The following BAIAP2L2 variants were observed in gnomAD, a reference collection of about 807,000 sequenced individuals.
The protein encoded by BAIAP2L2 is BAR/IMD domain containing adaptor protein 2 like 2.
In BAIAP2L2, 65 loss-of-function variants were observed where a neutral mutation model predicts 60.4. That is an observed-to-expected ratio of 1.08 (90% CI 0.88 to 1.32). The LOEUF is 1.32. Ranked by LOEUF, BAIAP2L2 falls within the 40% of genes most tolerant of loss-of-function variation. BAIAP2L2 has a pLI of 0.00. For missense variants in BAIAP2L2, 836 were observed against 741.2 expected (o/e 1.13, Z -1.48); for synonymous variants, 344 against 301.7 (o/e 1.14, Z -1.45).
chr22:38,090,623 T>G (rs1602001709), intron 7 of BAIAP2L2: 1 of 152,218 alleles, frequency 6.6e-6, no homozygotes, highest in Non-Finnish European at 1.5e-5. Context: ...CTTTAAACGC[T>G]TTATCTGCAT....
At position 38,086,442 on chromosome 22, in the gene BAIAP2L2, G is replaced by GC; in HGVS notation, c.1266_1267insG (p.Pro423AlafsTer10). On this transcript the variant is annotated frameshift_variant, in exon 12 of 14. Coordinates refer to ENST00000381669, the MANE Select transcript of BAIAP2L2 (RefSeq NM_025045.6). LOFTEE classifies it high-confidence loss of function. ...TCGAGGCTGTGGCTGCCCCGGAGTGGGTAGGACCTAAGTCCAGAGAAAGGA... is the reference window on the plus strand; with the variant it reads ...TCGAGGCTGTGGCTGCCCCGGAGTGGCGTAGGACCTAAGTCCAGAGAAAGGA... 6.7e-7 allele frequency: 1 copy of GC among 1,503,456 alleles called. No homozygotes were observed. The highest frequency in any genetic ancestry group is 1.4e-5 in the African/African-American group (1 of 72,072). 93.1% of individuals were successfully genotyped at this position (1,503,456 alleles called of 1,614,324 possible). A position where few individuals can be genotyped will look rare whatever the true frequency, so the allele number is the denominator to read the frequency against.
At chr22:38,093,976 C>T (rs1338229175) in intron 7 of BAIAP2L2, 5 of 456,318 alleles carry the variant, frequency 1.1e-5, no homozygotes, top group Admixed American at 4.7e-5. Context: ...GTAAATACAT[C>T]GAGTAAACGA....
intron 4 of BAIAP2L2, among the ~76,000 whole-genome samples, chr22:38,101,371 T>TAAACA (rs2086562965): frequency 1.2e-5 from 1 of 80,756 alleles, no homozygotes; most frequent in African/African-American, 5.6e-5. Flanking sequence ...TGTCTCTACA[T>TAAACA]AAAAAAAAAA....
chr22:38,089,221 G>A lies in BAIAP2L2; in HGVS notation c.776C>T (p.Pro259Leu), dbSNP rs1293448988. The A allele has an allele frequency of 7.7e-6, 9 of 1,172,584 alleles. No individual in the cohort carries two copies. In the African/African-American group the frequency reaches 1.4e-4, roughly 19 times the overall value. 72.6% of individuals were successfully genotyped at this position (1,172,584 alleles called of 1,614,324 possible). A position where few individuals can be genotyped will look rare whatever the true frequency, so the allele number is the denominator to read the frequency against. Residue 259 changes from proline to leucine, a missense_variant, in exon 9 of 14, where the codon CCC (proline) becomes CTC (leucine). Coordinates refer to ENST00000381669, the MANE Select transcript of BAIAP2L2 (RefSeq NM_025045.6). The stretch of plus-strand genomic sequence containing the variant: ...GCGGGGGGAGCTGAACTCTCCCAGG[G>A]GCCTCGGGGGCTGCGGGGGAGATGG... ...TPTCLDMPPR[P>L]LGEFSSPRSR...
chr22:38,085,598 C>G (rs992562335), intron 13 of BAIAP2L2, 88 bp downstream of exon 13: 4 of 1,472,348 alleles, frequency 2.7e-6, no homozygotes, highest in Non-Finnish European at 3.8e-6. Context: ...ATCCTCCTGC[C>G]CCAGTCTCCC....
At chr22:38,110,352 G>A (rs1468424665) in intron 1 of BAIAP2L2, 123 bp downstream of exon 1, 2 of 1,030,992 alleles carry the variant, frequency 1.9e-6, no homozygotes, top group African/African-American at 1.6e-5. Flanking sequence ...GCCCAGCCTG[G>A]CTCCAGGCTT....
intron 1 of BAIAP2L2, among the ~76,000 whole-genome samples, chr22:38,109,606 C>T (rs557708566): frequency 2.0e-5 from 3 of 152,192 alleles, no homozygotes; most frequent in Non-Finnish European, 4.4e-5. Context: ...CCGGGCTACA[C>T]GCCTGGGGCT....
intron 4 of BAIAP2L2, among the ~76,000 whole-genome samples, chr22:38,101,425 T>C (rs967799453): frequency 2.1e-5 from 3 of 140,474 alleles, no homozygotes; most frequent in Non-Finnish European, 4.5e-5. Flanking sequence ...TTCATGCCTG[T>C]GGTCCTAGCT....
chr22:38,100,458 C>T lies in BAIAP2L2; in HGVS notation c.277-1976G>A, dbSNP rs182846050. On this transcript the variant is annotated intron_variant, in intron 4 of 13. Transcript: ENST00000381669. ...GGAGAATCGCTTGAACCCTAGGGGG[C>T]GGAGGTTGCAGTGAGCCGAGATCGC... Among the ~76,000 whole-genome samples, 873 of 151,880 alleles carry T rather than the reference C, an allele frequency of 5.7e-3. 2 individuals carry two copies. Among genetic ancestry groups the T allele is most frequent in the African/African-American group, 8.6e-3 (356 of 41,412 alleles).
chr22:38,093,799 A>G, intron 7 of BAIAP2L2: 1 of 417,646 alleles, frequency 2.4e-6, no homozygotes, highest in Non-Finnish European at 4.9e-6. Context: ...AGTTCCACAA[A>G]CAGTTAAACA....
Position 38,085,074 on chromosome 22 carries a change from G to C in BAIAP2L2, c.*226C>G, listed in dbSNP as rs2086013010. The C allele has an allele frequency of 1.9e-6, 1 of 523,076 alleles. No individual in the cohort carries two copies. The highest frequency in any genetic ancestry group is 2.1e-5 in the South Asian group (1 of 48,632). The allele number at this position is 523,076 out of a possible 1,614,324, so 32.4% of individuals were successfully genotyped here. A position where few individuals can be genotyped will look rare whatever the true frequency, so the allele number is the denominator to read the frequency against. ...GAGTCCTGGAGCCCCTGGAGGGGGA[G>C]AAATTGTCCTGTCCCCCCATTCCGC... On this transcript the variant is annotated 3_prime_UTR_variant, in exon 14 of 14. Coordinates refer to ENST00000381669, the MANE Select transcript of BAIAP2L2 (RefSeq NM_025045.6).
At chr22:38,102,406 T>C (rs1372241780) in intron 4 of BAIAP2L2, among the ~76,000 whole-genome samples, 1 of 152,128 alleles carries the variant, frequency 6.6e-6, no homozygotes, top group Non-Finnish European at 1.5e-5. Flanking sequence ...GAAAACTACA[T>C]AAGAACAACA....
rs1035690122 is a variant in BAIAP2L2, at chr22:38,105,339, CT to C, written c.276+2512del. ...TACCTCCTTCAGCCCTTTTTCTTTTCTTTTTTTTTTTTTTTTTTTTGAGACA... is the reference window on the plus strand; with the variant it reads ...TACCTCCTTCAGCCCTTTTTCTTTTCTTTTTTTTTTTTTTTTTTTGAGACA... On this transcript the variant is annotated intron_variant, in intron 4 of 13. Coordinates refer to ENST00000381669, the MANE Select transcript of BAIAP2L2 (RefSeq NM_025045.6). 2.5e-4 allele frequency among the ~76,000 whole-genome samples: 24 copies of C among 95,002 alleles called. No homozygotes were observed. The South Asian group carries it at 3.7e-3, about 15-fold the overall frequency. The allele number at this position is 95,002 out of a possible 152,430, so 62.3% of individuals were successfully genotyped here. A position where few individuals can be genotyped will look rare whatever the true frequency, so the allele number is the denominator to read the frequency against.
intron 7 of BAIAP2L2, among the ~76,000 whole-genome samples, chr22:38,094,477 C>T (rs1056045825): frequency 5.9e-5 from 9 of 152,082 alleles, no homozygotes; most frequent in African/African-American, 1.2e-4. Context: ...TGAGCCACCG[C>T]GCCTGGCCGA....
chr22:38,085,331 G>A lies in BAIAP2L2; in HGVS notation c.1559C>T (p.Thr520Ile). The A allele has an allele frequency of 6.2e-7, 1 of 1,614,102 alleles. No individual in the cohort carries two copies. Among genetic ancestry groups the A allele is most frequent in the Non-Finnish European group, 8.5e-7 (1 of 1,179,976 alleles). Residue 520 changes from threonine (T) to isoleucine (I), a missense_variant, in exon 14 of 14, where the codon ACC becomes ATC. Coordinates refer to ENST00000381669, the MANE Select transcript of BAIAP2L2 (RefSeq NM_025045.6). ...GATGAGGGGTGCTGAGCGGTCATTG[G>A]TGATGGTGGGACGAAGCTTGACAGT... ...FATVKLRPTI[T>I]NDRSAPLIR is the part of the protein sequence containing the mutation.
chr22:38,087,313 G>GACA, intron 10 of BAIAP2L2, 49 bp from the exon 11 acceptor site: 1 of 1,564,934 alleles, frequency 6.4e-7, no homozygotes, highest in Non-Finnish European at 8.6e-7. Flanking sequence ...CAGGCCTGGG[G>GACA]ACAATGACCA....
In BAIAP2L2 at chr22:38,085,682, T is replaced by G; in HGVS notation, c.1514+4A>C. The stretch of plus-strand genomic sequence containing the variant: ...ACTGTTTGGGCCCCCATGTGAGGAC[T>G]CACCTCGGGAAGAGCTCCTGTGGTG... On this transcript the variant is annotated splice_donor_region_variant and intron_variant, in intron 13 of 13. Coordinates refer to ENST00000381669, the MANE Select transcript of BAIAP2L2 (RefSeq NM_025045.6). The G allele has an allele frequency of 6.2e-7, 1 of 1,613,188 alleles. No homozygotes were observed. Among genetic ancestry groups the G allele is most frequent in the East Asian group, 2.2e-5 (1 of 44,874 alleles).
At chr22:38,100,895 C>T (rs2086552600) in intron 4 of BAIAP2L2, among the ~76,000 whole-genome samples, 1 of 152,158 alleles carries the variant, frequency 6.6e-6, no homozygotes, top group Non-Finnish European at 1.5e-5. Context: ...TCCACTCAAA[C>T]GAAGCACTAG....
intron 4 of BAIAP2L2, among the ~76,000 whole-genome samples, chr22:38,100,549 T>C (rs74946368): frequency 0.04 from 6,009 of 149,984 alleles, 199 homozygotes; most frequent in East Asian, 0.12. Context: ...AATAAATAAA[T>C]AAATAAATAA....
Sources: allele counts gnomAD v4.1 joint callset (sites outside exome capture counted in the v4.1 genomes callset), GRCh38; gene constraint gnomAD v4.1.1; transcripts MANE v1.5; gene names NCBI Gene and HGNC (gene_info 2026-07-23, HGNC 2026-07-21).